The following PRPS1 variants were observed in gnomAD, a reference collection of about 807,000 sequenced individuals.
PRPS1 encodes ribose-phosphate pyrophosphokinase 1.
In PRPS1, 1 loss-of-function variant was observed where a neutral mutation model predicts 16.9. The ratio of observed to expected loss-of-function variants is 0.06; its 90% CI spans 0.02 to 0.28. The LOEUF (loss-of-function observed/expected upper bound fraction) is 0.28, where lower values mean the gene tolerates loss of function less well. Among genes scored for constraint, PRPS1 ranks in the 10% least tolerant of loss-of-function variants. The pLI, the probability that PRPS1 is intolerant of heterozygous loss-of-function variation, is 1.00. For missense variants in PRPS1, 47 were observed against 254.0 expected, an observed-to-expected ratio of 0.19 and a Z score of 5.54; for synonymous variants, 70 against 90.2, an observed-to-expected ratio of 0.78 and a Z score of 1.27.
chrX:107,646,608 T>A (rs1375409166), intron 5 of PRPS1, among the ~76,000 whole-genome samples: 1 of 112,332 alleles, frequency 8.9e-6, no homozygotes, highest in Non-Finnish European at 1.9e-5. Flanking sequence ...CCTAACATGA[T>A]AGTTTCCTTC....
intron 1 of PRPS1, among the ~76,000 whole-genome samples, chrX:107,630,524 T>C: frequency 1.8e-5 from 2 of 111,977 alleles, no homozygotes; most frequent in Non-Finnish European, 3.8e-5. Context: ...GCTTAATCAT[T>C]AGCTTCTTGT....
At chrX:107,640,176 C>A (rs1056182663) in intron 2 of PRPS1, among the ~76,000 whole-genome samples, 2 of 112,179 alleles carry the variant, frequency 1.8e-5, no homozygotes, top group Non-Finnish European at 1.9e-5. Flanking sequence ...TCCGTCTCTA[C>A]TAAAATACAA....
chrX:107,641,138 C>T, intron 3 of PRPS1, 138 bp downstream of exon 3: 2 of 1,174,798 alleles, frequency 1.7e-6, no homozygotes, highest in Non-Finnish European at 2.3e-6. Flanking sequence ...TAAATGTGTT[C>T]ACCTTAAGCA....
intron 4 of PRPS1, among the ~76,000 whole-genome samples, chrX:107,644,870 A>G (rs1925654995): frequency 9.1e-6 from 1 of 110,302 alleles, no homozygotes; most frequent in Admixed American, 9.7e-5. Flanking sequence ...GCTGGAGTGC[A>G]GTGGCGCGAT....
rs1925807760 is a variant in PRPS1 at position 107,650,564 on chromosome X, G to A, written c.*532G>A. Reference sequence around the variant, plus strand: ...AGACATTGGGTGGGGGGTGGGGGGTGGTTGAGGGGGGAGGCAGCACAGTGC... The same window carrying A: ...AGACATTGGGTGGGGGGTGGGGGGTAGTTGAGGGGGGAGGCAGCACAGTGC... On this transcript the variant is annotated 3_prime_UTR_variant, in exon 7 of 7. Coordinates refer to ENST00000372435, the MANE Select transcript of PRPS1 (RefSeq NM_002764.4). 1 of 121,700 alleles carries A rather than the reference G, an allele frequency of 8.2e-6. No individual in the cohort carries two copies. Among genetic ancestry groups the A allele is most frequent in the East Asian group, 2.2e-4 (1 of 4,621 alleles). 10.0% of individuals were successfully genotyped at this position (121,700 alleles called of 1,213,427 possible). A position where few individuals can be genotyped will look rare whatever the true frequency, so the allele number is the denominator to read the frequency against.
intron 2 of PRPS1, among the ~76,000 whole-genome samples, chrX:107,639,776 A>G (rs1326038540): frequency 9.0e-6 from 1 of 111,538 alleles, no homozygotes; most frequent in African/African-American, 3.3e-5. Context: ...TATATTTTTA[A>G]AATTACGGTA....
chrX:107,646,410 C>T (rs1376080179), intron 5 of PRPS1, among the ~76,000 whole-genome samples: 1 of 111,852 alleles, frequency 8.9e-6, no homozygotes, highest in East Asian at 2.8e-4. Flanking sequence ...GCCACAGCAC[C>T]CAGCCCTGAG....
At chrX:107,630,738 AACACACACACACAC>A (rs111543861) in intron 1 of PRPS1, among the ~76,000 whole-genome samples, 3 of 95,940 alleles carry the variant, frequency 3.1e-5, no homozygotes, top group Non-Finnish European at 6.3e-5. Flanking sequence ...TTATTTAGGA[AACACACACACACAC>A]ACACACACAC....
chrX:107,639,114 T>A (rs760844833), intron 1 of PRPS1, among the ~76,000 whole-genome samples, 181 bp from the exon 2 acceptor site: 5 of 112,430 alleles, frequency 4.4e-5, no homozygotes, highest in Non-Finnish European at 7.5e-5. Context: ...GTTGTTATAC[T>A]GTATTTAGAA....
In PRPS1 at chrX:107,645,306, T is replaced by C. The variant is rs759163993; in HGVS notation, c.660T>C (p.Asp220=). ...AGGATCGGGTGGCCATCCTTGTGGA[T>C]GACATGGCTGACACTTGTGGCACAA... is the stretch of plus-strand genomic sequence containing the variant. ...DVKDRVAILV[D]DMADTCGTIC... The change falls in exon 5 of 7, where the codon GAT becomes GAC. Residue 220 remains aspartate, a synonymous_variant. Transcript: ENST00000372435. 2.2e-5 allele frequency: 27 copies of C among 1,210,221 alleles called. No individual in the cohort carries two copies. In the East Asian group the frequency reaches 8.0e-4, roughly 36 times the overall value.
chrX:107,637,466 A>C (rs989841828), intron 1 of PRPS1, among the ~76,000 whole-genome samples: 6 of 111,255 alleles, frequency 5.4e-5, no homozygotes, highest in Admixed American at 4.8e-4. Context: ...TGATATTTCT[A>C]CTTCTTTTGC....
At chrX:107,630,687 T>G (rs1201152741) in intron 1 of PRPS1, among the ~76,000 whole-genome samples, 1 of 109,454 alleles carries the variant, frequency 9.1e-6, no homozygotes, top group African/African-American at 3.4e-5. Flanking sequence ...TTGAGCAGAG[T>G]AGCTTTTCTT....
At position 107,628,545 on chromosome X, in the gene PRPS1, G is replaced by T. The variant is rs1398107496; in HGVS notation, c.-84G>T. 8.3e-7 allele frequency: 1 copy of T among 1,201,464 alleles called. No homozygotes were observed. The highest frequency in any genetic ancestry group is 1.1e-6 in the Non-Finnish European group (1 of 887,729). Reference sequence around the variant, plus strand: ...GGCGGAGTAGCAACGCAAAGCGCTTGGTATTGAGTCTGTGGCCGACTTCGG... The same window carrying T: ...GGCGGAGTAGCAACGCAAAGCGCTTTGTATTGAGTCTGTGGCCGACTTCGG... On this transcript the variant is annotated 5_prime_UTR_variant, in exon 1 of 7. Transcript: ENST00000372435.
At chrX:107,643,180 C>G (rs1925616616) in intron 4 of PRPS1, among the ~76,000 whole-genome samples, 2 of 112,307 alleles carry the variant, frequency 1.8e-5, no homozygotes, top group Admixed American at 1.9e-4. Flanking sequence ...AAAAGCCATT[C>G]AAATCTTCAA....
chrX:107,635,130 C>T (rs1228486881), intron 1 of PRPS1, among the ~76,000 whole-genome samples: 8 of 110,504 alleles, frequency 7.2e-5, no homozygotes, highest in Non-Finnish European at 1.1e-4. Context: ...CGTGAGCCAC[C>T]GTGCCCAGCG....
chrX:107,646,436 C>T (rs1925695193), intron 5 of PRPS1, among the ~76,000 whole-genome samples: 1 of 111,748 alleles, frequency 8.9e-6, no homozygotes, highest in Non-Finnish European at 1.9e-5. Context: ...TTTTTTTAAA[C>T]TTTCTTGTGT....
chrX:107,639,137 GA>G (rs1163057455), intron 1 of PRPS1, among the ~76,000 whole-genome samples, 157 bp from the exon 2 acceptor site: 1 of 111,948 alleles, frequency 8.9e-6, no homozygotes, highest in Non-Finnish European at 1.9e-5. Context: ...TAATGACAAA[GA>G]AAAAAATCTG....
At chrX:107,640,507 T>A (rs1236941336) in intron 2 of PRPS1, among the ~76,000 whole-genome samples, 1 of 112,565 alleles carries the variant, frequency 8.9e-6, no homozygotes, top group Non-Finnish European at 1.9e-5. Context: ...CTGTGATGTA[T>A]CTTCAAACCT....
At chrX:107,641,744 T>G (rs1159747501) in intron 3 of PRPS1, among the ~76,000 whole-genome samples, 1 of 112,164 alleles carries the variant, frequency 8.9e-6, no homozygotes, top group Non-Finnish European at 1.9e-5. Flanking sequence ...CCACCTTTAT[T>G]TTATATTTTT....
Sources: gnomAD v4.1 joint callset for allele counts (sites outside exome capture counted in the v4.1 genomes callset) on GRCh38, gnomAD v4.1.1 for gene constraint, MANE v1.5 for transcripts, NCBI Gene and HGNC (gene_info 2026-07-23, HGNC 2026-07-21) for gene names.